Variants in ELMOD3 observed in about 807,000 individuals in gnomAD.
The protein encoded by ELMOD3 is ELMO domain-containing protein 3.
Under a neutral mutation model 47.4 loss-of-function variants are expected in ELMOD3, and 36 were observed. That is an observed-to-expected ratio of 0.76 (90% CI 0.58 to 1.00). ELMOD3 has a LOEUF of 1.00. ELMOD3 is among the 50% of genes least tolerant of loss of function. The pLI, the probability that ELMOD3 is intolerant of heterozygous loss-of-function variation, is 0.00. For missense variants in ELMOD3, 404 were observed against 463.8 expected, an observed-to-expected ratio of 0.87 and a Z score of 1.18; for synonymous variants, 149 against 183.5, an observed-to-expected ratio of 0.81 and a Z score of 1.52.
intron 8 of ELMOD3, among the ~76,000 whole-genome samples, 199 bp from the exon 9 acceptor site, chr2:85,370,887 A>C (rs534927681): frequency 5.9e-5 from 9 of 152,338 alleles, no homozygotes; most frequent in South Asian, 4.1e-4. Flanking sequence ...CTTGCAAAAA[A>C]TCTGGGAGCT....
chr2:85,367,426 GAGAGGGC>G (rs1236832169), intron 6 of ELMOD3, among the ~76,000 whole-genome samples: 1 of 152,238 alleles, frequency 6.6e-6, no homozygotes, highest in Non-Finnish European at 1.5e-5. Flanking sequence ...CCAAGGGTGG[GAGAGGGC>G]AGAGCACATG....
intron 11 of ELMOD3, among the ~76,000 whole-genome samples, chr2:85,383,475 C>T (rs1685728460): frequency 6.6e-6 from 1 of 151,956 alleles, no homozygotes; most frequent in Admixed American, 6.6e-5. Flanking sequence ...CTTGAGAAAA[C>T]CATAAAACCC....
At chr2:85,387,177 G>T in intron 11 of ELMOD3, 29 of 1,268,350 alleles carry the variant, frequency 2.3e-5, no homozygotes, top group Non-Finnish European at 2.9e-5. Context: ...AGGTACAGAG[G>T]TATACATGAA....
At chr2:85,379,785 G>T (rs990708488) in intron 11 of ELMOD3, among the ~76,000 whole-genome samples, 1 of 152,122 alleles carries the variant, frequency 6.6e-6, no homozygotes, top group Admixed American at 6.5e-5. Flanking sequence ...TGGCTTTGAT[G>T]GAACTTTGTT....
intron 6 of ELMOD3, among the ~76,000 whole-genome samples, chr2:85,364,492 G>A (rs1350574588): frequency 1.3e-5 from 2 of 151,508 alleles, no homozygotes; most frequent in African/African-American, 4.9e-5. Context: ...GCTGAGGCAG[G>A]TGAATCACTT....
At chr2:85,384,219 C>G (rs1273916420) in intron 11 of ELMOD3, among the ~76,000 whole-genome samples, 2 of 152,248 alleles carry the variant, frequency 1.3e-5, no homozygotes, top group Non-Finnish European at 2.9e-5. Context: ...TCCAGCTTGA[C>G]ATTTCCCTTT....
intron 4 of ELMOD3, 183 bp downstream of exon 4, chr2:85,357,435 G>A (rs1039558743): frequency 1.9e-5 from 8 of 426,466 alleles, no homozygotes; most frequent in Middle Eastern, 6.0e-4. Context: ...AGCTTGTTTT[G>A]TAAGTGAGTT....
At chr2:85,386,985 A>G (rs1685974965) in intron 11 of ELMOD3, 2 of 1,198,138 alleles carry the variant, frequency 1.7e-6, no homozygotes, top group African/African-American at 3.2e-5. Flanking sequence ...CTGAGCAACA[A>G]GAGCGAAACT....
Position 85,387,415 on chromosome 2 carries a change from G to A in ELMOD3, c.739-2336G>A, listed in dbSNP as rs149638957. Among the ~76,000 whole-genome samples, 261 of 152,094 alleles carry A rather than the reference G, an allele frequency of 1.7e-3. 4 individuals carry two copies. The East Asian group carries it at 0.043, about 25-fold the overall frequency. On this transcript the variant is annotated intron_variant, in intron 11 of 13. Coordinates refer to ENST00000409013, the MANE Select transcript of ELMOD3 (RefSeq NM_001135022.2). Reference sequence around the variant, plus strand: ...AGTGGCTCATGCCTGTAATCCCAGCGCTTTGGGAGGCTGAGGTGGGCAGAT... The same window carrying A: ...AGTGGCTCATGCCTGTAATCCCAGCACTTTGGGAGGCTGAGGTGGGCAGAT...
chr2:85,356,192 C>T (rs553502820), intron 3 of ELMOD3: 2 of 152,406 alleles, frequency 1.3e-5, no homozygotes, highest in East Asian at 3.9e-4. Context: ...ACTGGCTAGC[C>T]AGCTGCCACA....
chr2:85,357,291 T>A (rs755149851), intron 4 of ELMOD3, 39 bp downstream of exon 4: 1 of 1,330,440 alleles, frequency 7.5e-7, no homozygotes, highest in East Asian at 2.3e-5. Flanking sequence ...TGGTGTTGGT[T>A]TGAGATATAT....
At chr2:85,378,631 T>A (rs893149487) in intron 11 of ELMOD3, among the ~76,000 whole-genome samples, 1 of 152,198 alleles carries the variant, frequency 6.6e-6, no homozygotes, top group Non-Finnish European at 1.5e-5. Context: ...TATGCATTTA[T>A]CTCAGTGAGC....
chr2:85,365,431 G>T (rs1684316201), intron 6 of ELMOD3, among the ~76,000 whole-genome samples: 1 of 152,020 alleles, frequency 6.6e-6, no homozygotes, highest in African/African-American at 2.4e-5. Context: ...CAGTGCTCTT[G>T]ACTATATGAG....
At chr2:85,357,472 G>A (rs951938642) in intron 4 of ELMOD3, 5 of 390,146 alleles carry the variant, frequency 1.3e-5, no homozygotes, top group African/African-American at 1.1e-4. Context: ...CTTTTTGCTT[G>A]GGTAGTGGGG....
chr2:85,357,561 A>G (rs567593051), intron 4 of ELMOD3: 1 of 218,264 alleles, frequency 4.6e-6, no homozygotes, highest in Admixed American at 5.7e-5. Flanking sequence ...CTTCCCTGTG[A>G]AACGCTTGCT....
At chr2:85,366,289 C>T (rs573777723) in intron 6 of ELMOD3, among the ~76,000 whole-genome samples, 1 of 152,058 alleles carries the variant, frequency 6.6e-6, no homozygotes, top group Non-Finnish European at 1.5e-5. Context: ...CCTTTTTGTT[C>T]AGCCACTTTG....
intron 11 of ELMOD3, among the ~76,000 whole-genome samples, chr2:85,378,646 G>C (rs1230230996): frequency 6.6e-6 from 1 of 152,192 alleles, no homozygotes; most frequent in Non-Finnish European, 1.5e-5. Context: ...GTGAGCAGAG[G>C]GGCAACTTTG....
intron 12 of ELMOD3, 135 bp downstream of exon 12, chr2:85,389,962 TC>T: frequency 9.5e-7 from 1 of 1,047,458 alleles, no homozygotes; most frequent in Non-Finnish European, 1.5e-6. Flanking sequence ...TGCACCGGTC[TC>T]CCCAGGACAT....
intron 6 of ELMOD3, among the ~76,000 whole-genome samples, chr2:85,363,722 C>T (rs749900190): frequency 2.0e-5 from 3 of 152,216 alleles, no homozygotes; most frequent in Non-Finnish European, 4.4e-5. Context: ...CAAGGAGGAG[C>T]AAGTCACATC....
Sources: allele counts gnomAD v4.1 joint callset (sites outside exome capture counted in the v4.1 genomes callset), GRCh38; gene constraint gnomAD v4.1.1; transcripts MANE v1.5; gene names NCBI Gene and HGNC (gene_info 2026-07-23, HGNC 2026-07-21).